The following EYA1 variants were observed in gnomAD, a reference collection of about 807,000 sequenced individuals.
EYA1 encodes protein phosphatase EYA1.
EYA1 carries 16 observed loss-of-function variants against 82.0 expected under a neutral mutation model. That is an observed-to-expected ratio of 0.20 (90% CI 0.13 to 0.30). The LOEUF (loss-of-function observed/expected upper bound fraction) is 0.30. Among genes scored for constraint, EYA1 ranks in the 10% least tolerant of loss-of-function variants. EYA1 has a pLI of 1.00. For missense variants in EYA1, 633 were observed against 730.7 expected, an observed-to-expected ratio of 0.87 and a Z score of 1.54; for synonymous variants, 261 against 264.4, an observed-to-expected ratio of 0.99 and a Z score of 0.12.
intron 2 of EYA1, among the ~76,000 whole-genome samples, chr8:71,508,572 G>C (rs1812369312): frequency 6.6e-6 from 1 of 152,208 alleles, no homozygotes; most frequent in African/African-American, 2.4e-5. Flanking sequence ...ATTCTGTCAT[G>C]AGGGTGGAGC....
rs577155343 is a variant in EYA1 at position 71,322,447 on chromosome 8, T to C, written c.203-179A>G. ...TTCCACCTAACAGAAAGTTAAACTATAAAGAGGAATGAATAGAAACTGATT... is the reference window on the plus strand; with the variant it reads ...TTCCACCTAACAGAAAGTTAAACTACAAAGAGGAATGAATAGAAACTGATT... On this transcript the variant is annotated intron_variant, in intron 4 of 17. Transcript: ENST00000340726. 1.9e-5 allele frequency: 12 copies of C among 632,470 alleles called. No individual in the cohort carries two copies. The South Asian group carries it at 2.2e-4, about 11-fold the overall frequency. The allele number at this position is 632,470 out of a possible 1,614,324, so 39.2% of individuals were successfully genotyped here.
chr8:71,265,918 A>G (rs1815738040), intron 11 of EYA1, among the ~76,000 whole-genome samples: 1 of 152,162 alleles, frequency 6.6e-6, no homozygotes, highest in South Asian at 2.1e-4. Flanking sequence ...TTTTGTCCCT[A>G]TCACCTTTGT....
In EYA1 at chr8:71,212,410, T is replaced by A. The variant is rs532514795; in HGVS notation, c.1598-1154A>T. Among the ~76,000 whole-genome samples, 166 of 152,306 alleles carry A rather than the reference T, an allele frequency of 1.1e-3. 3 individuals carry two copies. Among genetic ancestry groups the A allele is most frequent in the Admixed American group, 0.011 (164 of 15,298 alleles). On this transcript the variant is annotated intron_variant, in intron 16 of 17. Transcript: ENST00000340726. The stretch of plus-strand genomic sequence containing the variant: ...CAAAGTATAGTCTTCACTGCAAAAA[T>A]ATACAACCAAAAACTTCGATGTCAT...
intron 11 of EYA1, among the ~76,000 whole-genome samples, chr8:71,246,167 T>C (rs1813063482): frequency 6.6e-6 from 1 of 152,236 alleles, no homozygotes; most frequent in South Asian, 2.1e-4. Flanking sequence ...TGGCATTCTA[T>C]TAATAATACC....
intron 2 of EYA1, among the ~76,000 whole-genome samples, chr8:71,435,929 A>T (rs981873202): frequency 1.1e-4 from 17 of 152,166 alleles, no homozygotes; most frequent in Admixed American, 5.9e-4. Context: ...CTTGAACATG[A>T]TGAATTTTAA....
chr8:71,480,075 C>G (rs1276543511), intron 2 of EYA1, among the ~76,000 whole-genome samples: 1 of 151,756 alleles, frequency 6.6e-6, no homozygotes, highest in Non-Finnish European at 1.5e-5. Context: ...ATTTCTTTCA[C>G]TCCTCAAAAA....
chr8:71,253,847 A>G (rs1467011465), intron 11 of EYA1, among the ~76,000 whole-genome samples: 7 of 152,220 alleles, frequency 4.6e-5, no homozygotes, highest in Non-Finnish European at 7.3e-5. Context: ...CCTTAATCAA[A>G]AATATGCAAT....
At chr8:71,437,828 T>C (rs1422042018) in intron 2 of EYA1, among the ~76,000 whole-genome samples, 1 of 151,734 alleles carries the variant, frequency 6.6e-6, no homozygotes, top group Non-Finnish European at 1.5e-5. Context: ...AAAAATGACA[T>C]AGGAGTTCTA....
intron 7 of EYA1, 54 bp downstream of exon 7, chr8:71,317,498 A>G: frequency 6.3e-7 from 1 of 1,582,410 alleles, no homozygotes; most frequent in Non-Finnish European, 8.7e-7. Context: ...TCTACTTTAG[A>G]AGTTAACTAT....
chr8:71,388,984 T>C (rs893416679), intron 2 of EYA1, among the ~76,000 whole-genome samples: 1 of 151,890 alleles, frequency 6.6e-6, no homozygotes, highest in African/African-American at 2.4e-5. Context: ...ATTCCTCTTC[T>C]GGGCCCCTCT....
intron 1 of EYA1, among the ~76,000 whole-genome samples, chr8:71,538,565 G>A (rs1814897717): frequency 6.6e-6 from 1 of 152,168 alleles, no homozygotes; most frequent in Non-Finnish European, 1.5e-5. Flanking sequence ...GTGACTTGAT[G>A]TTTACCTATC....
chr8:71,388,394 A>G lies in EYA1; in HGVS notation c.34-31883T>C, dbSNP rs542569920. ...AAAGAAGCTTGGGTACGACAATAGAAAAAAGAAAGCCAAGGAGCACACAGT... is the reference window on the plus strand; with the variant it reads ...AAAGAAGCTTGGGTACGACAATAGAGAAAAGAAAGCCAAGGAGCACACAGT... On this transcript the variant is annotated intron_variant, in intron 2 of 18. Coordinates refer to the EYA1 transcript ENST00000643681. Among the ~76,000 whole-genome samples the G allele has an allele frequency of 7.2e-5, 11 of 152,334 alleles. No homozygotes were observed. In the East Asian group the frequency reaches 2.1e-3, roughly 29 times the overall value.
chr8:71,435,415 AT>A (rs1306250036), intron 2 of EYA1, among the ~76,000 whole-genome samples: 2 of 151,928 alleles, frequency 1.3e-5, no homozygotes, highest in African/African-American at 4.8e-5. Context: ...AAATATATTT[AT>A]TTTTCCTTTT....
chr8:71,246,912 C>T (rs1813165498), intron 11 of EYA1, among the ~76,000 whole-genome samples: 1 of 151,876 alleles, frequency 6.6e-6, no homozygotes, highest in Admixed American at 6.6e-5. Flanking sequence ...GCACTGCCCA[C>T]ACCCCTCCAG....
At chr8:71,348,772 A>T (rs1826009946) in intron 3 of EYA1, among the ~76,000 whole-genome samples, 1 of 152,140 alleles carries the variant, frequency 6.6e-6, no homozygotes, top group Non-Finnish European at 1.5e-5. Flanking sequence ...AGAACATCCC[A>T]GGCACGTTCT....
intron 2 of EYA1, among the ~76,000 whole-genome samples, chr8:71,463,161 A>AT (rs1808494751): frequency 6.6e-6 from 1 of 152,202 alleles, no homozygotes; most frequent in South Asian, 2.1e-4. Flanking sequence ...GACTAACCAC[A>AT]TTTCACGTGT....
At chr8:71,286,545 T>A (rs75577303) in intron 9 of EYA1, among the ~76,000 whole-genome samples, 1 of 152,144 alleles carries the variant, frequency 6.6e-6, no homozygotes, top group Non-Finnish European at 1.5e-5. Flanking sequence ...GAAGGTGTTA[T>A]TGCTTGGTTG....
intron 2 of EYA1, among the ~76,000 whole-genome samples, chr8:71,450,415 A>T (rs1263403528): frequency 4.6e-5 from 7 of 152,208 alleles, no homozygotes; most frequent in Non-Finnish European, 8.8e-5. Flanking sequence ...GAAAGCAAGG[A>T]AGATGGGAGA....
intron 2 of EYA1, among the ~76,000 whole-genome samples, chr8:71,378,380 G>A (rs1828499163): frequency 6.6e-6 from 1 of 152,164 alleles, no homozygotes. Flanking sequence ...GTAGGCTTAA[G>A]AAGTGGTAAC....
Sources: gnomAD v4.1 joint callset for allele counts (sites outside exome capture counted in the v4.1 genomes callset) on GRCh38, gnomAD v4.1.1 for gene constraint, MANE v1.5 for transcripts, NCBI Gene and HGNC (gene_info 2026-07-23, HGNC 2026-07-21) for gene names.